The following UTRN variants were observed in gnomAD, a reference collection of about 807,000 sequenced individuals.
UTRN encodes the protein dystrophin-related protein 1.
A neutral mutation model predicts 463.9 loss-of-function variants in UTRN; 283 were observed. The observed-to-expected ratio is 0.61, with a 90% CI of 0.55 to 0.67. The LOEUF is 0.67. Among genes scored for constraint, UTRN ranks in the 30% least tolerant of loss-of-function variants. The pLI is 0.00. For synonymous variants in UTRN, 1,442 were observed against 1,431.5 expected (o/e 1.01, Z -0.17); for missense variants, 3,922 against 4,084.3 (o/e 0.96, Z 1.08).
Position 144,754,745 on chromosome 6 carries a change from A to G in UTRN, c.8381A>G (p.Gln2794Arg), listed in dbSNP as rs1225897937. Reference sequence around the variant, plus strand: ...GTTTCTGTGGATGATCGCCTTAAACAGCTTCAGGAAGCCCACAGAGATTTT... The same window carrying G: ...GTTTCTGTGGATGATCGCCTTAAACGGCTTCAGGAAGCCCACAGAGATTTT... The part of the protein sequence containing the change: ...LQVSVDDRLK[Q>R]LQEAHRDFGP... Residue 2794 changes from glutamine to arginine, a missense_variant, in exon 57 of 75, where the codon CAG (glutamine) becomes CGG (arginine). Physicochemically the swap from Gln to Arg is conservative, Grantham distance 43. Transcript: ENST00000367545. 1.2e-6 allele frequency: 2 copies of G among 1,613,558 alleles called. No individual in the cohort carries two copies. The highest frequency in any genetic ancestry group is 1.3e-5 in the African/African-American group (1 of 74,890).
At chr6:144,621,089 C>A (rs1775318385) in intron 51 of UTRN, among the ~76,000 whole-genome samples, 1 of 152,106 alleles carries the variant, frequency 6.6e-6, no homozygotes, top group African/African-American at 2.4e-5. Context: ...CCAGTCTCTC[C>A]ATCTACAAAA....
intron 2 of UTRN, among the ~76,000 whole-genome samples, chr6:144,337,552 T>C (rs1362667515): frequency 6.6e-6 from 1 of 152,210 alleles, no homozygotes; most frequent in Non-Finnish European, 1.5e-5. Context: ...CCTGCTTTTA[T>C]TGGCAGCTAT....
At chr6:144,596,839 G>T (rs1803695308) in intron 51 of UTRN, among the ~76,000 whole-genome samples, 1 of 152,130 alleles carries the variant, frequency 6.6e-6, no homozygotes, top group East Asian at 1.9e-4. Flanking sequence ...CAGATTACTT[G>T]AGCCCTTGCA....
At position 144,580,714 on chromosome 6, in the gene UTRN, AT is replaced by A. The variant is rs1207831574; in HGVS notation, c.7479+3427del. On this transcript the variant is annotated intron_variant, in intron 51 of 74. Transcript: ENST00000367545. ...CAGCTCATAGAGGGTCTTAAATGCCATGCAAGTATTTATATTTTAATCCAGT... is the reference window on the plus strand; with the variant it reads ...CAGCTCATAGAGGGTCTTAAATGCCAGCAAGTATTTATATTTTAATCCAGT... 6.6e-5 allele frequency among the ~76,000 whole-genome samples: 10 copies of A among 152,348 alleles called. No homozygotes were observed. In the South Asian group the frequency reaches 1.9e-3, roughly 28 times the overall value.
At chr6:144,306,068 A>G (rs1405298942) in intron 2 of UTRN, among the ~76,000 whole-genome samples, 1 of 152,196 alleles carries the variant, frequency 6.6e-6, no homozygotes, top group Non-Finnish European at 1.5e-5. Context: ...CACCCTGCAC[A>G]CACCACACAC....
At chr6:144,727,470 A>G (rs768939548) in intron 53 of UTRN, among the ~76,000 whole-genome samples, 40 of 151,904 alleles carry the variant, frequency 2.6e-4, no homozygotes, top group Non-Finnish European at 8.8e-5. Context: ...AATCTTTACC[A>G]CTCCTGAGCC....
At chr6:144,613,675 A>G (rs1003964637) in intron 51 of UTRN, among the ~76,000 whole-genome samples, 10 of 151,936 alleles carry the variant, frequency 6.6e-5, no homozygotes, top group African/African-American at 2.4e-4. Flanking sequence ...AATGACCTAT[A>G]TGCTGATTGT....
chr6:144,325,613 G>A (rs1487606830), intron 2 of UTRN, among the ~76,000 whole-genome samples: 5 of 152,206 alleles, frequency 3.3e-5, no homozygotes, highest in Non-Finnish European at 7.3e-5. Context: ...TTTACTGGGA[G>A]TACAGTATAG....
Position 144,723,039 on chromosome 6 carries a change from C to T in UTRN, c.7810-7318C>T, listed in dbSNP as rs371774286. 6.6e-5 allele frequency among the ~76,000 whole-genome samples: 10 copies of T among 152,282 alleles called. No individual in the cohort carries two copies. In the East Asian group the frequency reaches 1.2e-3, roughly 18 times the overall value. ...AACACCCTTCAATTCTAATGACTGA[C>T]AGTAATTTGGAAACCATGCCCTAAG... On this transcript the variant is annotated intron_variant, in intron 53 of 74. Coordinates refer to ENST00000367545, the MANE Select transcript of UTRN (RefSeq NM_007124.3).
At chr6:144,345,905 C>G (rs1405084019) in intron 2 of UTRN, among the ~76,000 whole-genome samples, 1 of 152,026 alleles carries the variant, frequency 6.6e-6, no homozygotes, top group African/African-American at 2.4e-5. Flanking sequence ...TGGCCGGGGG[C>G]GGTGGCTCAC....
chr6:144,695,598 C>G (rs1439444926), intron 52 of UTRN, among the ~76,000 whole-genome samples: 1 of 152,214 alleles, frequency 6.6e-6, no homozygotes, highest in East Asian at 1.9e-4. Flanking sequence ...CCGCCTCAGC[C>G]TCCCAAAGTG....
chr6:144,564,608 T>TGGC (rs1473972712), intron 50 of UTRN, among the ~76,000 whole-genome samples: 1 of 152,150 alleles, frequency 6.6e-6, no homozygotes, highest in Non-Finnish European at 1.5e-5. Flanking sequence ...CTTACAATCA[T>TGGC]GGCGGAAGGT....
intron 51 of UTRN, among the ~76,000 whole-genome samples, chr6:144,630,337 T>G (rs376379293): frequency 6.9e-4 from 105 of 152,216 alleles, no homozygotes; most frequent in Non-Finnish European, 1.2e-3. Context: ...CTCACCCTGC[T>G]AATAAAGACA....
intron 18 of UTRN, among the ~76,000 whole-genome samples, chr6:144,453,056 T>C (rs972366499): frequency 6.6e-6 from 1 of 152,196 alleles, no homozygotes; most frequent in East Asian, 1.9e-4. Context: ...GAAGTTTGCA[T>C]TGAACCCTAG....
In UTRN at chr6:144,523,199, A is replaced by G; in HGVS notation, c.5906+11A>G. The G allele has an allele frequency of 6.6e-7, 1 of 1,514,888 alleles. No homozygotes were observed. Among genetic ancestry groups the G allele is most frequent in the Non-Finnish European group, 8.8e-7 (1 of 1,131,414 alleles). The allele number at this position is 1,514,888 out of a possible 1,614,324, so 93.8% of individuals were successfully genotyped here. A position where few individuals can be genotyped will look rare whatever the true frequency, so the allele number is the denominator to read the frequency against. On this transcript the variant is annotated intron_variant, in intron 41 of 74. Transcript: ENST00000367545. The stretch of plus-strand genomic sequence containing the variant: ...CAGTGATCGGAAAGGGTATGTGTAA[A>G]TGAAATTAATATTTAATTTAAAAAA...
Position 144,651,010 on chromosome 6 carries a change from TAACTC to T in UTRN, c.7480-27394_7480-27390del, listed in dbSNP as rs138057174. Among the ~76,000 whole-genome samples, 354 of 152,188 alleles carry T rather than the reference TAACTC, an allele frequency of 2.3e-3. 2 individuals carry two copies. The highest frequency in any genetic ancestry group is 8.1e-3 in the African/African-American group (335 of 41,566). ...TTTTATTGTTAATAATAACCAGTGTTAACTCATAACAAGTTTTCTTTGTGGTAAAA... is the reference window on the plus strand; with the variant it reads ...TTTTATTGTTAATAATAACCAGTGTTATAACAAGTTTTCTTTGTGGTAAAA... On this transcript the variant is annotated intron_variant, in intron 51 of 74. Coordinates refer to ENST00000367545, the MANE Select transcript of UTRN (RefSeq NM_007124.3).
chr6:144,691,463 T>C (rs1364326395), intron 52 of UTRN, among the ~76,000 whole-genome samples: 1 of 151,534 alleles, frequency 6.6e-6, no homozygotes, highest in Non-Finnish European at 1.5e-5. Context: ...TTTTCAACTG[T>C]CAAATTCTCC....
chr6:144,513,844 CTT>C, intron 35 of UTRN, 63 bp from the exon 36 acceptor site: 1 of 1,551,614 alleles, frequency 6.4e-7, no homozygotes. Flanking sequence ...TTTTAAATCT[CTT>C]TTAAGATTAT....
chr6:144,627,768 T>A (rs1385283553), intron 51 of UTRN, among the ~76,000 whole-genome samples: 1 of 152,062 alleles, frequency 6.6e-6, no homozygotes, highest in African/African-American at 2.4e-5. Context: ...TCATCCAGGT[T>A]GTAGCACATT....
Sources: gnomAD v4.1 joint callset for allele counts (sites outside exome capture counted in the v4.1 genomes callset) on GRCh38, gnomAD v4.1.1 for gene constraint, MANE v1.5 for transcripts, NCBI Gene and HGNC (gene_info 2026-07-23, HGNC 2026-07-21) for gene names.